The following NDST4 variants were observed in gnomAD, a reference collection of about 807,000 sequenced individuals.
NDST4 encodes the protein N-heparan sulfate sulfotransferase 4.
Under a neutral mutation model 100.8 loss-of-function variants are expected in NDST4, and 63 were observed. The ratio of observed to expected loss-of-function variants is 0.62; its 90% CI spans 0.51 to 0.77. The LOEUF is 0.77. NDST4 is among the 30% of genes least tolerant of loss of function. The pLI is 0.00. For missense variants in NDST4, 943 were observed against 1,018.4 expected (o/e 0.93, Z 1.01); for synonymous variants, 377 against 361.8 (o/e 1.04, Z -0.48).
chr4:114,883,346 C>A (rs1724411329), intron 6 of NDST4, among the ~76,000 whole-genome samples: 1 of 151,930 alleles, frequency 6.6e-6, no homozygotes, highest in African/African-American at 2.4e-5. Flanking sequence ...AAGGGACCTG[C>A]ACTACAGCAC....
At chr4:114,887,845 A>C (rs2126204628) in intron 6 of NDST4, among the ~76,000 whole-genome samples, 1 of 152,294 alleles carries the variant, frequency 6.6e-6, no homozygotes, top group South Asian at 2.1e-4. Flanking sequence ...GTCACTAGAT[A>C]ATTTCAGGTT....
At chr4:115,054,894 A>AGGGT (rs1197733934) in intron 2 of NDST4, among the ~76,000 whole-genome samples, 2 of 152,084 alleles carry the variant, frequency 1.3e-5, no homozygotes. Flanking sequence ...TGCTTATTTG[A>AGGGT]GGGTTCCTCC....
intron 6 of NDST4, among the ~76,000 whole-genome samples, chr4:114,900,180 C>T (rs1016342265): frequency 2.6e-5 from 4 of 151,812 alleles, no homozygotes; most frequent in African/African-American, 9.7e-5. Flanking sequence ...AAATGATGTC[C>T]CCTCTTTAAT....
chr4:114,900,868 T>C (rs1233647966), intron 6 of NDST4, among the ~76,000 whole-genome samples: 1 of 152,180 alleles, frequency 6.6e-6, no homozygotes, highest in East Asian at 1.9e-4. Context: ...TTCAAAATCT[T>C]TTAAAATTTT....
intron 2 of NDST4, among the ~76,000 whole-genome samples, chr4:115,009,553 T>TA (rs1727495759): frequency 8.2e-6 from 1 of 122,598 alleles, no homozygotes; most frequent in Non-Finnish European, 1.7e-5. Flanking sequence ...ATTAAAGACT[T>TA]AAACGTTAGA....
intron 2 of NDST4, among the ~76,000 whole-genome samples, chr4:115,023,283 C>G (rs1578462543): frequency 6.6e-6 from 1 of 151,928 alleles, no homozygotes; most frequent in African/African-American, 2.4e-5. Flanking sequence ...GTCCGGAGTT[C>G]GAGACCAGCC....
At chr4:115,071,458 C>T (rs546220350) in intron 2 of NDST4, among the ~76,000 whole-genome samples, 10 of 152,194 alleles carry the variant, frequency 6.6e-5, no homozygotes, top group Admixed American at 6.6e-4. Context: ...ATCCCTAACA[C>T]TCTTGCTTTC....
intron 1 of NDST4, among the ~76,000 whole-genome samples, chr4:115,104,875 A>G (rs1729805362): frequency 6.6e-6 from 1 of 152,168 alleles, no homozygotes; most frequent in Non-Finnish European, 1.5e-5. Context: ...TGCAGGCCAA[A>G]GTCAGAGTAC....
intron 2 of NDST4, 87 bp downstream of exon 2, chr4:115,075,972 G>C (rs1270777449): frequency 4.9e-6 from 7 of 1,443,190 alleles, no homozygotes; most frequent in Non-Finnish European, 5.6e-6. Flanking sequence ...TAAAACTTTA[G>C]GGATTAATAA....
chr4:115,026,413 C>T (rs199560724), intron 2 of NDST4, among the ~76,000 whole-genome samples: 233 of 91,312 alleles, frequency 2.6e-3, no homozygotes, highest in Non-Finnish European at 5.2e-3. Flanking sequence ...TTCTCATAGT[C>T]TTATTTTTTT....
At chr4:114,844,711 A>G (rs1723505918) in intron 10 of NDST4, among the ~76,000 whole-genome samples, 1 of 152,238 alleles carries the variant, frequency 6.6e-6, no homozygotes, top group Admixed American at 6.5e-5. Flanking sequence ...TTTATTAATT[A>G]AAACCACAGT....
At position 115,009,451 on chromosome 4, in the gene NDST4, AC is replaced by A. The variant is rs1727493995; in HGVS notation, c.979-32178del. ...CAATGGGGAAAGGATTCCCTATTTA[AC>A]AAATGGTGCTAGGAAAACTGGCTAG... On this transcript the variant is annotated intron_variant, in intron 2 of 13. Coordinates refer to ENST00000264363, the MANE Select transcript of NDST4 (RefSeq NM_022569.3). Among the ~76,000 whole-genome samples, 3 of 127,696 alleles carry A rather than the reference AC, an allele frequency of 2.3e-5. 1 individual carries two copies. In the South Asian group the frequency reaches 9.2e-4, roughly 39 times the overall value. The allele number at this position is 127,696 out of a possible 152,430, so 83.8% of individuals were successfully genotyped here. A position where few individuals can be genotyped will look rare whatever the true frequency, so the allele number is the denominator to read the frequency against.
At chr4:115,036,157 T>G (rs1728229115) in intron 2 of NDST4, among the ~76,000 whole-genome samples, 1 of 151,754 alleles carries the variant, frequency 6.6e-6, no homozygotes. Context: ...AAGCCTAACT[T>G]CTCAAAAGAG....
chr4:114,867,582 T>C (rs1724053136), intron 7 of NDST4, among the ~76,000 whole-genome samples: 1 of 147,250 alleles, frequency 6.8e-6, no homozygotes, highest in Non-Finnish European at 1.5e-5. Context: ...GATTAGCTCA[T>C]GTGTAAGAAT....
chr4:114,864,631 G>C (rs1723986549), intron 7 of NDST4, among the ~76,000 whole-genome samples: 1 of 152,140 alleles, frequency 6.6e-6, no homozygotes, highest in Non-Finnish European at 1.5e-5. Flanking sequence ...CTTTATGAAG[G>C]CTTGAACTCT....
At chr4:115,019,345 G>A (rs1727757576) in intron 2 of NDST4, among the ~76,000 whole-genome samples, 1 of 152,022 alleles carries the variant, frequency 6.6e-6, no homozygotes, top group South Asian at 2.1e-4. Context: ...GTTAAAGCAG[G>A]TGACCTGATA....
intron 12 of NDST4, among the ~76,000 whole-genome samples, chr4:114,830,784 T>C (rs1723179447): frequency 6.6e-6 from 1 of 152,232 alleles, no homozygotes; most frequent in South Asian, 2.1e-4. Flanking sequence ...TGAAGCATAA[T>C]TGACTGGGAT....
At chr4:114,850,113 A>C (rs1401201266) in intron 8 of NDST4, among the ~76,000 whole-genome samples, 7 of 152,318 alleles carry the variant, frequency 4.6e-5, no homozygotes, top group Admixed American at 2.0e-4. Context: ...GATTTGAGAC[A>C]CACAAAACAC....
intron 2 of NDST4, among the ~76,000 whole-genome samples, chr4:114,978,278 A>AT (rs931191544): frequency 1.3e-4 from 20 of 151,880 alleles, no homozygotes; most frequent in African/African-American, 4.8e-4. Context: ...AGGTTAAACA[A>AT]TTTTTTCCAT....
Sources: gnomAD v4.1 joint callset for allele counts (sites outside exome capture counted in the v4.1 genomes callset) on GRCh38, gnomAD v4.1.1 for gene constraint, MANE v1.5 for transcripts, NCBI Gene and HGNC (gene_info 2026-07-23, HGNC 2026-07-21) for gene names.